The following THOC2 variants were observed in gnomAD, a reference collection of about 807,000 sequenced individuals.
THOC2 encodes the protein THO complex subunit 2, also known as THO complex 2.
THOC2 carries 10 observed loss-of-function variants against 128.4 expected under a neutral mutation model. The observed-to-expected ratio is 0.08, with a 90% CI of 0.05 to 0.13. The LOEUF is 0.13. Ranked by LOEUF, THOC2 falls within the 10% of genes least tolerant of loss-of-function variation. THOC2 has a pLI of 1.00. For synonymous variants in THOC2, 393 were observed against 396.9 expected, an observed-to-expected ratio of 0.99 and a Z score of 0.12; for missense variants, 535 against 1,155.7, an observed-to-expected ratio of 0.46 and a Z score of 7.79.
intron 12 of THOC2, among the ~76,000 whole-genome samples, chrX:123,652,121 T>A (rs1438463412): frequency 9.0e-6 from 1 of 111,638 alleles, no homozygotes; most frequent in Non-Finnish European, 1.9e-5. Flanking sequence ...GCAAGGCTGG[T>A]TCAACATAGG....
intron 15 of THOC2, among the ~76,000 whole-genome samples, chrX:123,643,570 T>G (rs1265755693): frequency 9.0e-6 from 1 of 110,940 alleles, no homozygotes; most frequent in Non-Finnish European, 1.9e-5. Flanking sequence ...TGGAGAACTC[T>G]TAAGTCCAGA....
At chrX:123,669,099 T>C (rs1364595583) in intron 9 of THOC2, among the ~76,000 whole-genome samples, 4 of 109,029 alleles carry the variant, frequency 3.7e-5, no homozygotes, top group African/African-American at 1.3e-4. Flanking sequence ...CTAGGTTTAA[T>C]GTAAACAGTA....
intron 7 of THOC2, among the ~76,000 whole-genome samples, chrX:123,695,309 G>T (rs1051452969): frequency 9.0e-6 from 1 of 111,558 alleles, no homozygotes; most frequent in African/African-American, 3.3e-5. Context: ...GGAAAATCTG[G>T]ATTACCCTAT....
chrX:123,626,394 C>T, intron 24 of THOC2, 127 bp downstream of exon 24: 3 of 713,543 alleles, frequency 4.2e-6, no homozygotes, highest in African/African-American at 4.4e-5. Context: ...TAACAAATAA[C>T]CAAAGAATGG....
In THOC2 at chrX:123,607,444, TTTTATTTATTTATTTATTTA is replaced by T. The variant is rs201176690; in HGVS notation, c.*18+3454_*18+3473del. Among the ~76,000 whole-genome samples, 10 of 97,796 alleles carry T rather than the reference TTTTATTTATTTATTTATTTA, an allele frequency of 1.0e-4. No individual in the cohort carries two copies. In the South Asian group the frequency reaches 4.4e-3, roughly 43 times the overall value. 84.9% of individuals were successfully genotyped at this position (97,796 alleles called of 115,157 possible). Reference sequence around the variant, plus strand: ...GTGCATACTACCATGCCTAGCTAAGTTTTATTTATTTATTTATTTATTTATTTATTTATTTATTTATTAGA... The same window carrying T: ...GTGCATACTACCATGCCTAGCTAAGTTTTATTTATTTATTTATTTATTAGA... On this transcript the variant is annotated intron_variant, in intron 38 of 38. Coordinates refer to ENST00000245838, the MANE Select transcript of THOC2 (RefSeq NM_001081550.2).
chrX:123,695,777 A>C (rs2050424575), intron 7 of THOC2, among the ~76,000 whole-genome samples: 1 of 111,715 alleles, frequency 9.0e-6, no homozygotes, highest in Non-Finnish European at 1.9e-5. Flanking sequence ...AAAAAGAAAG[A>C]CTAGACAGAG....
At chrX:123,642,446 A>T (rs2047963291) in intron 15 of THOC2, among the ~76,000 whole-genome samples, 2 of 110,195 alleles carry the variant, frequency 1.8e-5, no homozygotes, top group South Asian at 3.8e-4. Flanking sequence ...AAAAAAAAAA[A>T]TAAGAAATAC....
At chrX:123,671,620 T>C (rs140825546) in intron 9 of THOC2, 49 bp downstream of exon 9, 16,933 of 860,141 alleles carry the variant, frequency 0.02, 146 homozygotes, top group Non-Finnish European at 0.023. Context: ...TCCTCTTCCC[T>C]ACCCTTGGGA....
rs774375401 is a variant in THOC2, at chrX:123,620,942, T to C, written c.4240A>G (p.Thr1414Ala). 5.8e-6 allele frequency: 7 copies of C among 1,207,657 alleles called. No homozygotes were observed. The African/African-American group carries it at 1.1e-4, about 18-fold the overall frequency. ...GAGGAATGTGATGGAGAAGGGTGAGTATCAATTTTGCGGCGTTTTTGTTCT... is the reference window on the plus strand; with the variant it reads ...GAGGAATGTGATGGAGAAGGGTGAGCATCAATTTTGCGGCGTTTTTGTTCT... ...EREQKRRKIDTHPSPSHSSTV... is the reference protein window; with the variant it reads ...EREQKRRKIDAHPSPSHSSTV... The change falls in exon 32 of 39, where the codon ACT (threonine) becomes GCT (alanine). Residue 1414 changes from threonine to alanine, a missense_variant. Coordinates refer to ENST00000245838, the MANE Select transcript of THOC2 (RefSeq NM_001081550.2).
chrX:123,712,770 T>G (rs981917449), intron 2 of THOC2, 80 bp downstream of exon 2: 2 of 662,215 alleles, frequency 3.0e-6, no homozygotes, highest in African/African-American at 2.2e-5. Flanking sequence ...ACCTTTTGTT[T>G]TCATACCTAA....
intron 1 of THOC2, among the ~76,000 whole-genome samples, chrX:123,718,796 AAC>A (rs1398705502): frequency 9.0e-6 from 1 of 111,003 alleles, no homozygotes; most frequent in African/African-American, 3.3e-5. Flanking sequence ...GGAAACAATT[AAC>A]AGTGTGATGG....
intron 12 of THOC2, among the ~76,000 whole-genome samples, chrX:123,664,794 G>A (rs1419860938): frequency 6.3e-5 from 7 of 111,558 alleles, no homozygotes; most frequent in Non-Finnish European, 1.1e-4. Context: ...ACATATGGGT[G>A]CTTAGTTTAG....
intron 33 of THOC2, among the ~76,000 whole-genome samples, chrX:123,617,480 C>T (rs749515136): frequency 9.0e-6 from 1 of 111,263 alleles, no homozygotes; most frequent in South Asian, 3.8e-4. Context: ...GCTAGAAAAA[C>T]CCTCTCAACT....
intron 38 of THOC2, among the ~76,000 whole-genome samples, chrX:123,606,031 C>T (rs990575176): frequency 1.8e-5 from 2 of 111,253 alleles, no homozygotes; most frequent in Non-Finnish European, 3.8e-5. Flanking sequence ...AATCAGAACA[C>T]AATGTTACCA....
At chrX:123,637,097 T>C (rs1328686986) in intron 18 of THOC2, among the ~76,000 whole-genome samples, 4 of 111,249 alleles carry the variant, frequency 3.6e-5, no homozygotes, top group South Asian at 3.8e-4. Flanking sequence ...CAAAAGTTCA[T>C]GGAAAGTACA....
In THOC2 at chrX:123,623,120, T is replaced by G; in HGVS notation, c.3667A>C (p.Ser1223Arg). The change falls in exon 29 of 39, where the codon AGT becomes CGT. Residue 1223 changes from serine to arginine, a missense_variant. Ser to Arg is a moderately radical substitution (Grantham distance 110, BLOSUM62 -1). This residue lies in a region of THOC2 where 116 missense variants were observed against 180.0 expected (regional missense o/e 0.64). Coordinates refer to ENST00000245838, the MANE Select transcript of THOC2 (RefSeq NM_001081550.2). ...IGSASKSDES[S>R]TEETDKSRER... Reference sequence around the variant, plus strand: ...ATAAGCATACCAGTCTCCTCAGTACTGCTTTCATCCGATTTAGATGCACTT... The same window carrying G: ...ATAAGCATACCAGTCTCCTCAGTACGGCTTTCATCCGATTTAGATGCACTT... 8.3e-7 allele frequency: 1 copy of G among 1,209,497 alleles called. No homozygotes were observed. The highest frequency in any genetic ancestry group is 1.1e-6 in the Non-Finnish European group (1 of 894,465).
rs1190063571 is a variant in THOC2 at position 123,638,750 on chromosome X, ACTCTCTCT to A, written c.1840+176_1840+183del. 7.9e-3 allele frequency among the ~76,000 whole-genome samples: 787 copies of A among 99,186 alleles called. 6 individuals carry two copies. The highest frequency in any genetic ancestry group is 0.028 in the African/African-American group (739 of 26,685). The allele number at this position is 99,186 out of a possible 115,157, so 86.1% of individuals were successfully genotyped here. On this transcript the variant is annotated intron_variant, in intron 17 of 38. Coordinates refer to ENST00000245838, the MANE Select transcript of THOC2 (RefSeq NM_001081550.2). ...CGTACACACACACACACACACACACACTCTCTCTCTCTCTCACATACACACACACACAC... is the reference window on the plus strand; with the variant it reads ...CGTACACACACACACACACACACACACTCTCTCACATACACACACACACAC...
At chrX:123,731,320 G>C (rs1211712975) in intron 1 of THOC2, among the ~76,000 whole-genome samples, 2 of 111,410 alleles carry the variant, frequency 1.8e-5, no homozygotes, top group African/African-American at 3.3e-5. Context: ...TGGGGGGGCG[G>C]GGCATGTGTT....
In THOC2 at chrX:123,686,616, A is replaced by T. The variant is rs1186758377; in HGVS notation, c.700T>A (p.Ser234Thr). The change falls in exon 8 of 39, where the codon TCT becomes ACT. Residue 234 changes from serine (S) to threonine (T), a missense_variant. Physicochemically the swap from Ser to Thr is moderately conservative, Grantham distance 58. Around this residue, in one of 9 missense-constraint regions of THOC2, gnomAD observed 197 missense variants for 313.4 expected, o/e 0.63. Coordinates refer to ENST00000245838, the MANE Select transcript of THOC2 (RefSeq NM_001081550.2). ...TGCGGTTCACACATACTCATGTAAG[A>T]TTCTAACAAAGATATAAAGAAGTCA... The part of the protein sequence containing the change: ...HDDFFISLLE[S>T]YMSMCEPQTL... 1 of 1,207,051 alleles carries T rather than the reference A, an allele frequency of 8.3e-7. No homozygotes were observed. The highest frequency in any genetic ancestry group is 1.1e-6 in the Non-Finnish European group (1 of 893,185).
Sources: gnomAD v4.1 joint callset for allele counts (sites outside exome capture counted in the v4.1 genomes callset) on GRCh38, gnomAD v4.1.1 for gene constraint, gnomAD v4.1.1 regional missense constraint, MANE v1.5 for transcripts, NCBI Gene and HGNC (gene_info 2026-07-23, HGNC 2026-07-21) for gene names.